Variants in SNTG2 observed in about 807,000 individuals in gnomAD.
SNTG2 encodes the protein gamma-2-syntrophin.
Under a neutral mutation model 70.9 loss-of-function variants are expected in SNTG2, and 74 were observed. The ratio of observed to expected loss-of-function variants is 1.04; its 90% confidence interval spans 0.86 to 1.27. SNTG2 has a LOEUF of 1.27. Among genes scored for constraint, SNTG2 ranks in the 50% most tolerant of loss-of-function variants. The pLI is 0.00. For synonymous variants in SNTG2, 278 were observed against 273.8 expected (o/e 1.02, Z -0.15); for missense variants, 717 against 690.7 (o/e 1.04, Z -0.43).
chr2:1,012,145 C>T (rs576231433), intron 1 of SNTG2, among the ~76,000 whole-genome samples: 14 of 152,294 alleles, frequency 9.2e-5, no homozygotes, highest in South Asian at 4.1e-4. Context: ...ACAATCAATA[C>T]GAGCAACGAT....
intron 4 of SNTG2, among the ~76,000 whole-genome samples, chr2:1,133,816 C>T (rs888439781): frequency 6.6e-6 from 1 of 152,196 alleles, no homozygotes; most frequent in African/African-American, 2.4e-5. Context: ...TCTTCCTCCT[C>T]CCTTTCACTG....
chr2:967,144 A>G (rs1290302112), intron 1 of SNTG2, among the ~76,000 whole-genome samples: 1 of 152,230 alleles, frequency 6.6e-6, no homozygotes, highest in Non-Finnish European at 1.5e-5. Context: ...CAGGCAGACC[A>G]GGGACAGGAG....
chr2:1,178,838 C>T (rs1434298709), intron 8 of SNTG2, among the ~76,000 whole-genome samples: 2 of 152,152 alleles, frequency 1.3e-5, no homozygotes, highest in Non-Finnish European at 2.9e-5. Context: ...AGGGAGGATT[C>T]CCTCTTTTTG....
intron 1 of SNTG2, among the ~76,000 whole-genome samples, chr2:990,483 G>T (rs182689856): frequency 6.6e-6 from 1 of 152,134 alleles, no homozygotes; most frequent in Admixed American, 6.5e-5. Flanking sequence ...TCGTGGTGGG[G>T]GAGCTCTCCT....
chr2:1,031,528 A>ATATATATTTTTT, intron 1 of SNTG2, among the ~76,000 whole-genome samples: 1 of 59,134 alleles, frequency 1.7e-5, no homozygotes, highest in African/African-American at 8.3e-5. Context: ...ATATATATAT[A>ATATATATTTTTT]TTTTTTTTTT....
At position 1,005,500 on chromosome 2, in the gene SNTG2, T is replaced by C. The variant is rs1471518588; in HGVS notation, c.72+54432T>C. ...CTAAAACCCCTCTAAGAATGAAATCTATTTTAAAATATTAACGTTGGAGCT... is the reference window on the plus strand; with the variant it reads ...CTAAAACCCCTCTAAGAATGAAATCCATTTTAAAATATTAACGTTGGAGCT... On this transcript the variant is annotated intron_variant, in intron 1 of 16. Transcript: ENST00000308624. Among the ~76,000 whole-genome samples the C allele has an allele frequency of 3.9e-5, 6 of 151,916 alleles. No individual in the cohort carries two copies. The East Asian group carries it at 1.2e-3, about 30-fold the overall frequency.
At chr2:1,285,308 T>G (rs1679721680) in intron 14 of SNTG2, among the ~76,000 whole-genome samples, 1 of 152,132 alleles carries the variant, frequency 6.6e-6, no homozygotes, top group Non-Finnish European at 1.5e-5. Flanking sequence ...ACATTCAGGA[T>G]CAATATTTTG....
chr2:985,872 C>T (rs948346778), intron 1 of SNTG2, among the ~76,000 whole-genome samples: 8 of 152,190 alleles, frequency 5.3e-5, no homozygotes, highest in African/African-American at 4.8e-5. Flanking sequence ...AATATTGAGA[C>T]AGCCAAGTGT....
intron 14 of SNTG2, 87 bp downstream of exon 14, chr2:1,267,658 G>A: frequency 1.7e-6 from 2 of 1,164,568 alleles, no homozygotes; most frequent in Non-Finnish European, 2.5e-6. Context: ...GTTTATCGGG[G>A]GAAAAGAGGA....
intron 1 of SNTG2, among the ~76,000 whole-genome samples, chr2:972,265 T>C (rs1178197291): frequency 6.6e-6 from 1 of 152,168 alleles, no homozygotes; most frequent in African/African-American, 2.4e-5. Context: ...TTACTGTACT[T>C]AGTCTCCTCA....
intron 1 of SNTG2, among the ~76,000 whole-genome samples, chr2:994,710 A>G (rs796402299): frequency 2.6e-5 from 4 of 152,006 alleles, no homozygotes; most frequent in African/African-American, 9.6e-5. Flanking sequence ...CTATTTATTT[A>G]GTTCTTCCAT....
intron 4 of SNTG2, among the ~76,000 whole-genome samples, chr2:1,130,505 G>A (rs1667949687): frequency 6.6e-6 from 1 of 152,110 alleles, no homozygotes; most frequent in South Asian, 2.1e-4. Flanking sequence ...TTTAAGAAAT[G>A]ACAATTAAAG....
At chr2:1,065,739 G>A (rs770057850) in intron 1 of SNTG2, among the ~76,000 whole-genome samples, 5 of 151,916 alleles carry the variant, frequency 3.3e-5, no homozygotes, top group Admixed American at 1.3e-4. Flanking sequence ...TTTGTATGTC[G>A]TTTAGCTAAA....
chr2:1,081,102 G>T (rs537786177), intron 1 of SNTG2, among the ~76,000 whole-genome samples: 1 of 152,104 alleles, frequency 6.6e-6, no homozygotes, highest in Non-Finnish European at 1.5e-5. Context: ...TTGACTTTCC[G>T]CAGGCCACGG....
chr2:1,168,980 G>A (rs1670941466), intron 7 of SNTG2, among the ~76,000 whole-genome samples: 3 of 152,164 alleles, frequency 2.0e-5, no homozygotes, highest in African/African-American at 7.2e-5. Context: ...GTTGCTGTGA[G>A]TTGGGAAGGG....
At position 1,164,657 on chromosome 2, in the gene SNTG2, A is replaced by G. The variant is rs564946308; in HGVS notation, c.412-891A>G. Among the ~76,000 whole-genome samples the G allele has an allele frequency of 2.6e-3, 376 of 146,830 alleles. 2 individuals are homozygous for G. The highest frequency in any genetic ancestry group is 9.0e-3 in the African/African-American group (356 of 39,402). ...TAGAGGAGAGGGCGAGGTGGGATACACCTGCCCTAGGAGGATGAAGTAAGG... is the reference window on the plus strand; with the variant it reads ...TAGAGGAGAGGGCGAGGTGGGATACGCCTGCCCTAGGAGGATGAAGTAAGG... On this transcript the variant is annotated intron_variant, in intron 6 of 16. Transcript: ENST00000308624.
chr2:1,136,107 A>AT (rs764391779), intron 4 of SNTG2, among the ~76,000 whole-genome samples: 19 of 152,060 alleles, frequency 1.2e-4, no homozygotes, highest in Non-Finnish European at 2.4e-4. Flanking sequence ...CACATGTGTA[A>AT]TTTCACATGG....
At chr2:1,163,573 C>T (rs1334118947) in intron 6 of SNTG2, 1 of 151,822 alleles carries the variant, frequency 6.6e-6, no homozygotes, top group Non-Finnish European at 1.5e-5. Flanking sequence ...ACAGCACCTG[C>T]GACCTGGAGG....
intron 14 of SNTG2, among the ~76,000 whole-genome samples, chr2:1,287,100 T>A (rs986078083): frequency 1.4e-4 from 21 of 152,256 alleles, no homozygotes; most frequent in African/African-American, 5.1e-4. Context: ...GAGGAGAATA[T>A]CTTTGCTCAC....
Sources: allele counts gnomAD v4.1 joint callset (sites outside exome capture counted in the v4.1 genomes callset), GRCh38; gene constraint gnomAD v4.1.1; transcripts MANE v1.5; gene names NCBI Gene and HGNC (gene_info 2026-07-23, HGNC 2026-07-21).